Variants in CD200R1 observed in about 807,000 individuals in gnomAD.
CD200R1 encodes the protein CD200 receptor 1.
A neutral mutation model predicts 38.1 loss-of-function variants in CD200R1; 30 were observed. That is an observed-to-expected ratio of 0.79 (90% CI 0.59 to 1.07). The LOEUF is 1.07. CD200R1 is among the 50% of genes least tolerant of loss of function. The pLI, the probability that CD200R1 is intolerant of heterozygous loss-of-function variation, is 0.00. For synonymous variants in CD200R1, 128 were observed against 152.1 expected (o/e 0.84, Z 1.16); for missense variants, 372 against 415.4 (o/e 0.90, Z 0.91).
At chr3:112,949,192 T>TG (rs951881124) in intron 1 of CD200R1, among the ~76,000 whole-genome samples, 3 of 152,234 alleles carry the variant, frequency 2.0e-5, no homozygotes, top group African/African-American at 7.2e-5. Context: ...GATGTGTAAT[T>TG]GGAGTTGAGG....
chr3:112,957,565 A>T (rs1281893913), intron 1 of CD200R1, among the ~76,000 whole-genome samples: 1 of 152,240 alleles, frequency 6.6e-6, no homozygotes, highest in Non-Finnish European at 1.5e-5. Flanking sequence ...ATATAAGAGC[A>T]TCTCTGACTT....
chr3:112,935,335 T>G (rs932704625), intron 2 of CD200R1, among the ~76,000 whole-genome samples: 3 of 152,206 alleles, frequency 2.0e-5, no homozygotes, highest in Non-Finnish European at 2.9e-5. Flanking sequence ...GACAATATGT[T>G]AGGTCACAAA....
Position 112,929,174 on chromosome 3 carries a change from A to G in CD200R1, c.520+16T>C, listed in dbSNP as rs759296708. 15 of 1,613,994 alleles carry G rather than the reference A, an allele frequency of 9.3e-6. No homozygotes were observed. The highest frequency in any genetic ancestry group is 1.7e-6 in the Non-Finnish European group (2 of 1,179,990). On this transcript the variant is annotated intron_variant, in intron 4 of 7. Coordinates refer to ENST00000308611, the MANE Select transcript of CD200R1 (RefSeq NM_138806.4). ...ATCTGGTGATGTGAAATACCTCAAT[A>G]TATGATGCTCCTTACCTAACACTTG... is the stretch of plus-strand genomic sequence containing the variant.
At position 112,925,232 on chromosome 3, in the gene CD200R1, T is replaced by C. The variant is rs1940256218; in HGVS notation, c.770-39A>G. 6 of 957,730 alleles carry C rather than the reference T, an allele frequency of 6.3e-6. No homozygotes were observed. The South Asian group carries it at 8.4e-5, about 13-fold the overall frequency. The allele number at this position is 957,730 out of a possible 1,614,324, so 59.3% of individuals were successfully genotyped here. ...AATATATGGTTCAAATGTGGTACAA[T>C]CCAAATAATGTACTATCTTATTATT... On this transcript the variant is annotated intron_variant, in intron 5 of 7. Transcript: ENST00000308611.
intron 1 of CD200R1, among the ~76,000 whole-genome samples, chr3:112,951,283 G>A (rs945985186): frequency 6.6e-6 from 1 of 151,978 alleles, no homozygotes; most frequent in Non-Finnish European, 1.5e-5. Context: ...CAAATTCATT[G>A]AAGACAAAGC....
chr3:112,941,186 TA>T (rs1178725364), intron 2 of CD200R1, among the ~76,000 whole-genome samples: 1 of 151,500 alleles, frequency 6.6e-6, no homozygotes, highest in Non-Finnish European at 1.5e-5. Flanking sequence ...GGAAATTTGT[TA>T]AAGGGCACAA....
At chr3:112,931,796 G>A (rs919394228) in intron 2 of CD200R1, among the ~76,000 whole-genome samples, 2 of 151,978 alleles carry the variant, frequency 1.3e-5, no homozygotes, top group Admixed American at 1.3e-4. Flanking sequence ...AGATTCTACT[G>A]GAGTATCAAA....
chr3:112,931,644 C>A (rs1046120444), intron 2 of CD200R1, among the ~76,000 whole-genome samples: 6 of 152,296 alleles, frequency 3.9e-5, no homozygotes, highest in African/African-American at 1.4e-4. Flanking sequence ...GGCCATCCAT[C>A]TCTGTTGCTT....
chr3:112,951,451 A>C (rs1940967415), intron 1 of CD200R1, among the ~76,000 whole-genome samples: 1 of 151,978 alleles, frequency 6.6e-6, no homozygotes, highest in South Asian at 2.1e-4. Flanking sequence ...AAACCCTTTT[A>C]GAAAATCAAG....
At chr3:112,935,647 A>G (rs1357524571) in intron 2 of CD200R1, among the ~76,000 whole-genome samples, 1 of 152,214 alleles carries the variant, frequency 6.6e-6, no homozygotes, top group Non-Finnish European at 1.5e-5. Flanking sequence ...ATTTCAAATT[A>G]ACATCCTAAC....
intron 1 of CD200R1, among the ~76,000 whole-genome samples, chr3:112,956,181 G>C (rs1374315834): frequency 6.6e-6 from 1 of 151,866 alleles, no homozygotes; most frequent in Non-Finnish European, 1.5e-5. Flanking sequence ...CACAAATCCT[G>C]TGAGCCTTCT....
At chr3:112,927,138 A>G (rs1254410824) in intron 5 of CD200R1, among the ~76,000 whole-genome samples, 2 of 152,172 alleles carry the variant, frequency 1.3e-5, no homozygotes, top group African/African-American at 4.8e-5. Context: ...GATGAACTGG[A>G]GAGACTCCAA....
intron 1 of CD200R1, among the ~76,000 whole-genome samples, chr3:112,968,100 A>G (rs1933212479): frequency 6.6e-6 from 1 of 152,224 alleles, no homozygotes; most frequent in Non-Finnish European, 1.5e-5. Flanking sequence ...ACTGATCTTT[A>G]GACCCAACAC....
intron 1 of CD200R1, among the ~76,000 whole-genome samples, chr3:112,963,627 T>A (rs1188349732): frequency 6.6e-6 from 1 of 152,144 alleles, no homozygotes; most frequent in East Asian, 1.9e-4. Context: ...AGATGCGACT[T>A]GGGTGCTGTT....
chr3:112,939,023 GATT>G, intron 2 of CD200R1, among the ~76,000 whole-genome samples: 1 of 152,024 alleles, frequency 6.6e-6, no homozygotes, highest in Non-Finnish European at 1.5e-5. Flanking sequence ...AAAACTAGGT[GATT>G]ATTTTAATAT....
chr3:112,923,761 GTTC>G lies in CD200R1; in HGVS notation c.960_962del (p.Lys320del), dbSNP rs909000730. 8 of 1,607,456 alleles carry G rather than the reference GTTC, an allele frequency of 5.0e-6. No homozygotes were observed. In the Admixed American group the frequency reaches 6.7e-5, roughly 14 times the overall value. On this transcript the variant is annotated inframe_deletion, in exon 8 of 8. Coordinates refer to ENST00000308611, the MANE Select transcript of CD200R1 (RefSeq NM_138806.4). ...TGTTTGTAGTATCATAGAGAGGATTGTTCTTCTCTGTGTAGCTGGCATAGGGCT... is the reference window on the plus strand; with the variant it reads ...TGTTTGTAGTATCATAGAGAGGATTGTTCTCTGTGTAGCTGGCATAGGGCT...
chr3:112,954,446 G>A (rs1941040610), intron 1 of CD200R1, among the ~76,000 whole-genome samples: 1 of 152,144 alleles, frequency 6.6e-6, no homozygotes, highest in Non-Finnish European at 1.5e-5. Context: ...GATGTCTTTT[G>A]TGTATGCTCA....
chr3:112,947,768 A>G (rs72952145), intron 2 of CD200R1, 88 bp downstream of exon 2: 80,100 of 800,506 alleles, frequency 0.1, 5,032 homozygotes, highest in East Asian at 0.22. Context: ...CAGATAATGC[A>G]TGAGACAATT....
At chr3:112,945,544 A>G (rs1311353488) in intron 2 of CD200R1, among the ~76,000 whole-genome samples, 2 of 152,214 alleles carry the variant, frequency 1.3e-5, no homozygotes, top group African/African-American at 4.8e-5. Context: ...CACCTTTCAC[A>G]AAAATAAACT....
Sources: allele counts gnomAD v4.1 joint callset (sites outside exome capture counted in the v4.1 genomes callset), GRCh38; gene constraint gnomAD v4.1.1; transcripts MANE v1.5; gene names NCBI Gene and HGNC (gene_info 2026-07-23, HGNC 2026-07-21).